Variants in UCK2 observed in about 807,000 individuals in gnomAD.
The protein encoded by UCK2 is uridine-cytidine kinase 2.
Under a neutral mutation model 30.8 loss-of-function variants are expected in UCK2, and 6 were observed. The observed-to-expected ratio is 0.19, with a 90% CI of 0.11 to 0.38. UCK2 has a LOEUF of 0.38. UCK2 is among the 10% of genes least tolerant of loss of function. The probability of loss-of-function intolerance (pLI) is 1.00; values close to 1 mark genes in which losing one functional copy is unlikely to be tolerated. For synonymous variants in UCK2, 125 were observed against 133.6 expected (o/e 0.94, Z 0.45); for missense variants, 210 against 339.8 (o/e 0.62, Z 3.00).
At chr1:165,845,550 T>G (rs1654426582) in intron 1 of UCK2, among the ~76,000 whole-genome samples, 1 of 152,198 alleles carries the variant, frequency 6.6e-6, no homozygotes, top group South Asian at 2.1e-4. Flanking sequence ...ATCTGAGTTG[T>G]TTTACATCAG....
At chr1:165,885,406 T>C in intron 1 of UCK2, 1 of 398,564 alleles carries the variant, frequency 2.5e-6, no homozygotes, top group Non-Finnish European at 4.4e-6. Context: ...TGAATCACCT[T>C]CACTGATTTG....
intron 1 of UCK2, among the ~76,000 whole-genome samples, chr1:165,864,144 C>T (rs1654987819): frequency 6.6e-6 from 1 of 152,198 alleles, no homozygotes; most frequent in South Asian, 2.1e-4. Flanking sequence ...GACAGGCTTT[C>T]ACCATGTTGG....
rs1571270247 is a variant in UCK2 at position 165,849,019 on chromosome 1, T to A, written c.99+21087T>A. ...GGCCTGTAATCCCAGTTTGGGAGGC[T>A]GAGGTGGGAGGGTTGCTTGAGGTCT... On this transcript the variant is annotated intron_variant, in intron 1 of 6. Coordinates refer to ENST00000367879, the MANE Select transcript of UCK2 (RefSeq NM_012474.5). 3.9e-5 allele frequency among the ~76,000 whole-genome samples: 6 copies of A among 152,056 alleles called. No individual in the cohort carries two copies. The South Asian group carries it at 1.2e-3, about 32-fold the overall frequency.
At chr1:165,890,110 G>A (rs1338603822) in intron 1 of UCK2, 94 bp from the exon 2 acceptor site, 7 of 1,408,524 alleles carry the variant, frequency 5.0e-6, no homozygotes, top group Non-Finnish European at 9.9e-7. Flanking sequence ...GCCCCTTCTT[G>A]GAAGGTGTGC....
intron 3 of UCK2, 110 bp from the exon 4 acceptor site, chr1:165,896,080 G>T: frequency 1.4e-6 from 2 of 1,426,764 alleles, no homozygotes; most frequent in Non-Finnish European, 1.9e-6. Context: ...CTTGAAGTCT[G>T]TGGGGGCAAG....
intron 3 of UCK2, chr1:165,891,674 G>A: frequency 4.6e-6 from 1 of 219,340 alleles, no homozygotes; most frequent in East Asian, 1.1e-4. Flanking sequence ...AGGAAGGGCA[G>A]GAAGAAGAGC....
In UCK2 at chr1:165,903,247, G is replaced by A. The variant is rs1209143345; in HGVS notation, c.565G>A (p.Val189Ile). ...EQILSQYITFVKPAFEEFCLP... is the reference protein window; with the variant it reads ...EQILSQYITFIKPAFEEFCLP... ...GATTTTATCTCAGTACATTACGTTC[G>A]TCAAGCCTGCCTTTGAGGAATTCTG... The change falls in exon 5 of 7, where the codon GTC becomes ATC. Residue 189 changes from valine to isoleucine, a missense_variant. Val to Ile is a conservative substitution (Grantham distance 29). This residue lies in a region of UCK2 where 47 missense variants were observed against 128.7 expected (regional missense o/e 0.37). Transcript: ENST00000367879. 1.2e-6 allele frequency: 2 copies of A among 1,613,880 alleles called. No homozygotes were observed. Among genetic ancestry groups the A allele is most frequent in the Admixed American group, 1.7e-5 (1 of 59,980 alleles).
chr1:165,893,072 G>C (rs1223675300), intron 3 of UCK2, among the ~76,000 whole-genome samples: 1 of 152,228 alleles, frequency 6.6e-6, no homozygotes, highest in Non-Finnish European at 1.5e-5. Context: ...GGCAGGAGGA[G>C]AGAGGATCTG....
chr1:165,866,183 G>C (rs894902266), intron 1 of UCK2, among the ~76,000 whole-genome samples: 4 of 152,220 alleles, frequency 2.6e-5, no homozygotes, highest in African/African-American at 9.7e-5. Flanking sequence ...CCTCTTAGGA[G>C]GCTGGCTTGA....
intron 1 of UCK2, among the ~76,000 whole-genome samples, chr1:165,865,767 A>G (rs552394357): frequency 6.6e-6 from 1 of 152,306 alleles, no homozygotes; most frequent in East Asian, 1.9e-4. Flanking sequence ...CTTGGAAGCC[A>G]GGGTCTGGGG....
At chr1:165,888,642 CTTTTTTTTTTTTTT>C (rs60874109) in intron 1 of UCK2, among the ~76,000 whole-genome samples, 1 of 71,018 alleles carries the variant, frequency 1.4e-5, no homozygotes, top group South Asian at 6.8e-4. Context: ...CTTTCTTCTT[CTTTTTTTTTTTTTT>C]TTTTTTTTTT....
rs1205729486 is a variant in UCK2 at position 165,828,041 on chromosome 1, C to T, written c.99+109C>T. On this transcript the variant is annotated intron_variant, in intron 1 of 6. Coordinates refer to ENST00000367879, the MANE Select transcript of UCK2 (RefSeq NM_012474.5). Reference sequence around the variant, plus strand: ...GTTGCGGCAGCCACCGCGTGGCCCGCGCGCCTCCGCTCCCGGCCGCGCTCC... The same window carrying T: ...GTTGCGGCAGCCACCGCGTGGCCCGTGCGCCTCCGCTCCCGGCCGCGCTCC... The T allele has an allele frequency of 8.7e-6, 7 of 805,540 alleles. No homozygotes were observed. The Admixed American group carries it at 2.6e-4, about 29-fold the overall frequency. The allele number at this position is 805,540 out of a possible 1,614,324, so 49.9% of individuals were successfully genotyped here. A position where few individuals can be genotyped will look rare whatever the true frequency, so the allele number is the denominator to read the frequency against.
intron 1 of UCK2, among the ~76,000 whole-genome samples, chr1:165,833,050 G>GC (rs1654092284): frequency 6.6e-6 from 1 of 152,146 alleles, no homozygotes; most frequent in Non-Finnish European, 1.5e-5. Flanking sequence ...GTGCAGCTTG[G>GC]CCGTGAGTCA....
intron 1 of UCK2, among the ~76,000 whole-genome samples, chr1:165,859,634 C>T (rs1456068292): frequency 1.3e-5 from 2 of 151,946 alleles, no homozygotes; most frequent in African/African-American, 2.4e-5. Context: ...ACATCCTAGG[C>T]AACATGGTAA....
chr1:165,897,182 C>G (rs186669550), intron 4 of UCK2, among the ~76,000 whole-genome samples: 5 of 151,640 alleles, frequency 3.3e-5, no homozygotes, highest in Non-Finnish European at 1.5e-5. Flanking sequence ...AGGTTGGGGT[C>G]TGGTTTTAGA....
At chr1:165,876,432 T>C (rs1267058168) in intron 1 of UCK2, among the ~76,000 whole-genome samples, 2 of 152,178 alleles carry the variant, frequency 1.3e-5, no homozygotes, top group Non-Finnish European at 2.9e-5. Flanking sequence ...ATATTCCAGA[T>C]AGCAACAGTT....
intron 1 of UCK2, among the ~76,000 whole-genome samples, chr1:165,830,203 C>T (rs1399423805): frequency 2.6e-5 from 4 of 151,666 alleles, no homozygotes; most frequent in Admixed American, 2.6e-4. Context: ...AGGGGTTTTG[C>T]CATGTTGCCA....
intron 1 of UCK2, among the ~76,000 whole-genome samples, chr1:165,873,827 C>T (rs1259812662): frequency 2.0e-5 from 3 of 151,866 alleles, no homozygotes; most frequent in African/African-American, 7.3e-5. Context: ...AACCATTCTC[C>T]CTCCCTCCCT....
At position 165,910,466 on chromosome 1, in the gene UCK2, C is replaced by G. The variant is rs1432722405; in HGVS notation, c.*2643C>G. 3.9e-5 allele frequency: 6 copies of G among 152,336 alleles called. No individual in the cohort carries two copies. Among genetic ancestry groups the G allele is most frequent in the African/African-American group, 7.2e-5 (3 of 41,446 alleles). 9.4% of individuals were successfully genotyped at this position (152,336 alleles called of 1,614,324 possible). A position where few individuals can be genotyped will look rare whatever the true frequency, so the allele number is the denominator to read the frequency against. ...GAGCCATCCAGTGGTGCTTGGTTCT[C>G]TCTTCCTGCCCAGGTATTGTGTGTG... On this transcript the variant is annotated 3_prime_UTR_variant, in exon 7 of 7. Transcript: ENST00000367879.
Sources: allele counts gnomAD v4.1 joint callset (sites outside exome capture counted in the v4.1 genomes callset), GRCh38; gene constraint gnomAD v4.1.1; regional missense constraint gnomAD v4.1.1; transcripts MANE v1.5; gene names NCBI Gene and HGNC (gene_info 2026-07-23, HGNC 2026-07-21).